The following BZW2 variants were observed in gnomAD, a reference collection of about 807,000 sequenced individuals.
The protein encoded by BZW2 is eIF5-mimic protein 1.
BZW2 carries 23 observed loss-of-function variants against 53.2 expected under a neutral mutation model. The ratio of observed to expected loss-of-function variants is 0.43; its 90% CI spans 0.31 to 0.61. BZW2 has a LOEUF of 0.61. Among genes scored for constraint, BZW2 ranks in the 20% least tolerant of loss-of-function variants. BZW2 has a pLI of 0.09. For missense variants in BZW2, 409 were observed against 503.1 expected, an observed-to-expected ratio of 0.81 and a Z score of 1.79; for synonymous variants, 227 against 186.4, an observed-to-expected ratio of 1.22 and a Z score of -1.77.
intron 9 of BZW2, 50 bp from the exon 10 acceptor site, chr7:16,697,998 T>C: frequency 6.2e-7 from 1 of 1,609,888 alleles, no homozygotes; most frequent in Non-Finnish European, 8.5e-7. Context: ...CAGTGTCGGC[T>C]CTGTACCTCC....
At position 16,689,797 on chromosome 7, in the gene BZW2, G is replaced by A; in HGVS notation, c.542G>A (p.Gly181Asp). 6.2e-7 allele frequency: 1 copy of A among 1,602,658 alleles called. No individual in the cohort carries two copies. Residue 181 changes from glycine (G) to aspartate (D), a missense_variant and splice_region_variant, in exon 7 of 12, where the codon GGC becomes GAC. Physicochemically the swap from Gly to Asp is moderately conservative, Grantham distance 94. This residue lies in a region of BZW2 where 316 missense variants were observed against 366.8 expected (regional missense o/e 0.86). Transcript: ENST00000258761. ...SLFTDSLVKE[G>D]IAASFAVKLF... ...GAAATTCTCTTTTGTTTTTCAACAG[G>A]CATTGCGGCCTCATTTGCTGTCAAG...
At chr7:16,680,666 G>A (rs982677999) in intron 3 of BZW2, among the ~76,000 whole-genome samples, 1 of 151,894 alleles carries the variant, frequency 6.6e-6, no homozygotes, top group Non-Finnish European at 1.5e-5. Context: ...AATAAGCTGG[G>A]CATGGTGGCA....
At chr7:16,705,314 C>T (rs958567567) in intron 11 of BZW2, among the ~76,000 whole-genome samples, 5 of 150,786 alleles carry the variant, frequency 3.3e-5, no homozygotes, top group African/African-American at 4.9e-5. Context: ...GCCAAGATTG[C>T]GCCACTGCAC....
At chr7:16,701,884 C>T (rs1461662363) in intron 10 of BZW2, among the ~76,000 whole-genome samples, 2 of 152,062 alleles carry the variant, frequency 1.3e-5, no homozygotes, top group Non-Finnish European at 2.9e-5. Context: ...AAGCCTCACA[C>T]AGAGGGTGTC....
At chr7:16,696,884 T>C (rs1783510853) in intron 8 of BZW2, 31 bp from the exon 9 acceptor site, 5 of 1,613,054 alleles carry the variant, frequency 3.1e-6, no homozygotes, top group Non-Finnish European at 4.2e-6. Flanking sequence ...ATCTGCCTGT[T>C]ACTTTCTGAC....
At chr7:16,679,881 A>G (rs995197263) in intron 3 of BZW2, among the ~76,000 whole-genome samples, 5 of 152,158 alleles carry the variant, frequency 3.3e-5, no homozygotes, top group South Asian at 4.1e-4. Flanking sequence ...AAAATTCCTA[A>G]TGTTCTCATT....
intron 4 of BZW2, among the ~76,000 whole-genome samples, chr7:16,682,415 G>C (rs564382860): frequency 1.3e-5 from 2 of 152,084 alleles, no homozygotes; most frequent in African/African-American, 4.8e-5. Flanking sequence ...CCTGCACTTT[G>C]CTCTCCTCCC....
chr7:16,695,646 G>A (rs706039), intron 8 of BZW2, among the ~76,000 whole-genome samples: 65,665 of 151,982 alleles, frequency 0.43, 17,218 homozygotes, highest in African/African-American at 0.74. Flanking sequence ...TATCTGGAGA[G>A]AGCTTTCTAT....
At chr7:16,648,702 C>A (rs1387179806) in intron 1 of BZW2, among the ~76,000 whole-genome samples, 1 of 152,160 alleles carries the variant, frequency 6.6e-6, no homozygotes, top group Non-Finnish European at 1.5e-5. Flanking sequence ...TCTGGGCCCT[C>A]CCACACACTG....
intron 6 of BZW2, 40 bp from the exon 7 acceptor site, chr7:16,689,757 G>A (rs1401012080): frequency 1.3e-5 from 20 of 1,540,258 alleles, no homozygotes; most frequent in Middle Eastern, 1.7e-4. Context: ...AATTGGTTTT[G>A]CTCGTAAAAG....
intron 1 of BZW2, among the ~76,000 whole-genome samples, chr7:16,651,088 T>G (rs1015552822): frequency 2.6e-5 from 4 of 152,210 alleles, no homozygotes; most frequent in African/African-American, 9.6e-5. Context: ...GTATTAATAT[T>G]TAAGATAGTA....
chr7:16,659,824 G>C (rs1325743428), intron 1 of BZW2, among the ~76,000 whole-genome samples: 1 of 151,362 alleles, frequency 6.6e-6, no homozygotes, highest in East Asian at 1.9e-4. Context: ...TGATATTGTT[G>C]CCCTATAATT....
intron 5 of BZW2, 103 bp from the exon 6 acceptor site, chr7:16,685,802 A>G (rs1157872356): frequency 2.2e-6 from 3 of 1,333,442 alleles, no homozygotes; most frequent in Non-Finnish European, 3.0e-6. Flanking sequence ...GTAGCCATGG[A>G]TGTTCACAGT....
Position 16,694,983 on chromosome 7 carries a change from T to C in BZW2, c.801T>C (p.Ser267=). 6.3e-7 allele frequency: 1 copy of C among 1,586,774 alleles called. No individual in the cohort carries two copies. The highest frequency in any genetic ancestry group is 8.6e-7 in the Non-Finnish European group (1 of 1,158,876). The part of the protein sequence containing the change: ...ELQKELQERL[S]QECPIKEVVL... Reference sequence around the variant, plus strand: ...AGAAGGAGCTCCAGGAGCGTCTTTCTCAGGAATGCCCGATCAAGGAGGTGG... The same window carrying C: ...AGAAGGAGCTCCAGGAGCGTCTTTCCCAGGAATGCCCGATCAAGGAGGTGG... Residue 267 remains serine, a synonymous_variant, in exon 8 of 12, where the codon TCT becomes TCC. Transcript: ENST00000258761.
intron 2 of BZW2, 142 bp downstream of exon 2, chr7:16,665,643 A>G: frequency 7.2e-7 from 1 of 1,385,528 alleles, no homozygotes; most frequent in Non-Finnish European, 9.7e-7. Flanking sequence ...GAAGTGCTTT[A>G]GTGAAACCAT....
chr7:16,671,788 G>C (rs557167561), intron 2 of BZW2, among the ~76,000 whole-genome samples: 1 of 151,986 alleles, frequency 6.6e-6, no homozygotes, highest in Non-Finnish European at 1.5e-5. Context: ...AAAGCTAGCT[G>C]GGTGTGGTGG....
chr7:16,661,104 A>T (rs1229032161), intron 1 of BZW2: 2 of 152,142 alleles, frequency 1.3e-5, no homozygotes, highest in African/African-American at 4.8e-5. Context: ...ACATATGCAT[A>T]GCACATGTTA....
intron 7 of BZW2, 82 bp downstream of exon 7, chr7:16,689,988 A>C: frequency 1.0e-6 from 1 of 975,984 alleles, no homozygotes; most frequent in East Asian, 2.7e-5. Context: ...GTATATGAGT[A>C]AGATCCCTGG....
rs1219560729 is a variant in BZW2 at position 16,686,112 on chromosome 7, G to T, written c.541+72G>T. ...TAAAGTCACAGATAGTTAGAAAAAT[G>T]CCAGTGGCTCTTTTTGGTGTCCTCT... is the stretch of plus-strand genomic sequence containing the variant. On this transcript the variant is annotated intron_variant, in intron 6 of 11. Transcript: ENST00000258761. 1.9e-6 allele frequency: 3 copies of T among 1,573,614 alleles called. No individual in the cohort carries two copies. The East Asian group carries it at 6.8e-5, about 36-fold the overall frequency.
Sources: allele counts gnomAD v4.1 joint callset (sites outside exome capture counted in the v4.1 genomes callset), GRCh38; gene constraint gnomAD v4.1.1; regional missense constraint gnomAD v4.1.1; transcripts MANE v1.5; gene names NCBI Gene and HGNC (gene_info 2026-07-23, HGNC 2026-07-21).